The following MRC1 variants were observed in gnomAD, a reference collection of about 807,000 sequenced individuals.
The protein encoded by MRC1 is mannose receptor C-type 1.
Under a neutral mutation model 102.9 loss-of-function variants are expected in MRC1, and 62 were observed. That is an observed-to-expected ratio of 0.60 (90% CI 0.49 to 0.74). MRC1 has a LOEUF of 0.74. MRC1 is among the 30% of genes least tolerant of loss of function. MRC1 has a pLI of 0.00. For missense variants in MRC1, 1,237 were observed against 862.8 expected, an observed-to-expected ratio of 1.43 and a Z score of -5.43; for synonymous variants, 457 against 298.4, an observed-to-expected ratio of 1.53 and a Z score of -5.48.
At chr10:17,855,442 G>A (rs1833072717) in intron 8 of MRC1, among the ~76,000 whole-genome samples, 1 of 151,706 alleles carries the variant, frequency 6.6e-6, no homozygotes, top group Admixed American at 6.6e-5. Context: ...GTGGTGGCAG[G>A]CGCCTGTAGT....
At chr10:17,822,491 C>A (rs976531475) in intron 1 of MRC1, among the ~76,000 whole-genome samples, 1 of 152,062 alleles carries the variant, frequency 6.6e-6, no homozygotes, top group Non-Finnish European at 1.5e-5. Flanking sequence ...TATGGTGGTA[C>A]AAGCCTGTAG....
In MRC1 at chr10:17,870,950, T is replaced by G. The variant is rs1244192641; in HGVS notation, c.2199+15T>G. The stretch of plus-strand genomic sequence containing the variant: ...ATGGTTCTCCTGTGAGTAATTTTAC[T>G]TACTATATAACTTTCTTACTTTATC... On this transcript the variant is annotated intron_variant, in intron 14 of 29. Coordinates refer to ENST00000569591, the MANE Select transcript of MRC1 (RefSeq NM_002438.4). 5.7e-6 allele frequency: 5 copies of G among 871,062 alleles called. No homozygotes were observed. The highest frequency in any genetic ancestry group is 1.0e-5 in the Non-Finnish European group (5 of 500,068). 54.0% of individuals were successfully genotyped at this position (871,062 alleles called of 1,614,324 possible).
At chr10:17,814,445 A>G (rs118160793) in intron 1 of MRC1, among the ~76,000 whole-genome samples, 21,973 of 152,170 alleles carry the variant, frequency 0.14, 1,766 homozygotes, top group East Asian at 0.21. Context: ...CTTTACATAA[A>G]TGATCTCATT....
chr10:17,867,942 G>A (rs914915431), intron 12 of MRC1, among the ~76,000 whole-genome samples: 7 of 152,180 alleles, frequency 4.6e-5, no homozygotes, highest in African/African-American at 7.2e-5. Flanking sequence ...TGGGGCACAT[G>A]GCTTTTCAGT....
chr10:17,817,361 G>A (rs1838329531), intron 1 of MRC1, among the ~76,000 whole-genome samples: 3 of 151,462 alleles, frequency 2.0e-5, no homozygotes, highest in Admixed American at 2.0e-4. Flanking sequence ...GTTACTGGAT[G>A]TTTAGTCTTT....
intron 21 of MRC1, 61 bp downstream of exon 21, chr10:17,881,242 G>A (rs1314681565): frequency 1.3e-6 from 1 of 758,078 alleles, no homozygotes; most frequent in Non-Finnish European, 2.4e-6. Context: ...CTGCAAAATG[G>A]TAAAATATTG....
chr10:17,870,765 T>C, intron 13 of MRC1, 83 bp from the exon 14 acceptor site: 2 of 834,224 alleles, frequency 2.4e-6, no homozygotes, highest in Non-Finnish European at 4.3e-6. Flanking sequence ...TGGAGGTAAC[T>C]TTCAAATGTG....
chr10:17,856,735 T>G (rs1833098821), intron 9 of MRC1, among the ~76,000 whole-genome samples: 1 of 152,146 alleles, frequency 6.6e-6, no homozygotes, highest in Non-Finnish European at 1.5e-5. Flanking sequence ...TATGGGTTGT[T>G]AAGAACATTT....
At position 17,833,443 on chromosome 10, in the gene MRC1, C is replaced by A. The variant is rs951482533; in HGVS notation, c.638-232C>A. Among the ~76,000 whole-genome samples the A allele has an allele frequency of 2.0e-5, 3 of 149,294 alleles. No individual in the cohort carries two copies. In the South Asian group the frequency reaches 6.3e-4, roughly 31 times the overall value. ...AACTGAGGTGGGAAGATTGTTTAAC[C>A]TCAAGAGTTGGAGAGTACAGTGAGC... On this transcript the variant is annotated intron_variant, in intron 3 of 29. Transcript: ENST00000569591.
At chr10:17,852,443 G>C (rs1838931171) in intron 7 of MRC1, among the ~76,000 whole-genome samples, 1 of 152,100 alleles carries the variant, frequency 6.6e-6, no homozygotes. Context: ...TACAGTGATT[G>C]ATCTTTAACG....
At chr10:17,818,358 A>C (rs894426000) in intron 1 of MRC1, among the ~76,000 whole-genome samples, 3 of 152,246 alleles carry the variant, frequency 2.0e-5, no homozygotes, top group Non-Finnish European at 4.4e-5. Flanking sequence ...CTAAATCAGA[A>C]AGATCAAGTA....
Position 17,815,583 on chromosome 10 carries a change from G to A in MRC1, c.61+6057G>A, listed in dbSNP as rs185486145. On this transcript the variant is annotated intron_variant, in intron 1 of 29. Coordinates refer to ENST00000569591, the MANE Select transcript of MRC1 (RefSeq NM_002438.4). ...TACTGACTTGGGAGCGAATGGCCCC[G>A]GGAAGGTGTAGATATTCATATCTTT... 8.9e-3 allele frequency among the ~76,000 whole-genome samples: 1,357 copies of A among 152,202 alleles called. 23 individuals carry two copies. Among genetic ancestry groups the A allele is most frequent in the African/African-American group, 0.03 (1,242 of 41,520 alleles).
rs1159605341 is a variant in MRC1, at chr10:17,879,862, C to G, written c.2719+41C>G. ...ATATTGAATTTGCTTTGTGGCGTGG[C>G]GTGTCATTTGCCACATCCCTAGACT... On this transcript the variant is annotated intron_variant, in intron 19 of 29. Transcript: ENST00000569591. 3.8e-6 allele frequency: 3 copies of G among 780,602 alleles called. No homozygotes were observed. The African/African-American group carries it at 5.1e-5, about 13-fold the overall frequency. 48.4% of individuals were successfully genotyped at this position (780,602 alleles called of 1,614,324 possible). A position where few individuals can be genotyped will look rare whatever the true frequency, so the allele number is the denominator to read the frequency against.
intron 22 of MRC1, among the ~76,000 whole-genome samples, chr10:17,891,423 C>T (rs1275194778): frequency 1.3e-5 from 2 of 152,116 alleles, no homozygotes; most frequent in Non-Finnish European, 2.9e-5. Flanking sequence ...GCCTCGGCCT[C>T]CCGAAGTGCT....
intron 3 of MRC1, 104 bp downstream of exon 3, chr10:17,827,819 A>C (rs1589166626): frequency 2.7e-6 from 2 of 749,414 alleles, no homozygotes; most frequent in East Asian, 4.9e-5. Flanking sequence ...GTTATTTCAC[A>C]TTTACGACCT....
At chr10:17,891,130 GT>G (rs1306284440) in intron 22 of MRC1, among the ~76,000 whole-genome samples, 1 of 138,842 alleles carries the variant, frequency 7.2e-6, no homozygotes, top group East Asian at 2.1e-4. Flanking sequence ...TGTATCACTA[GT>G]TTTATTTATT....
chr10:17,857,617 A>T (rs1800157136), intron 9 of MRC1, among the ~76,000 whole-genome samples: 1 of 152,234 alleles, frequency 6.6e-6, no homozygotes, highest in African/African-American at 2.4e-5. Flanking sequence ...AGGAAACTGA[A>T]ACACAAAGAG....
chr10:17,882,458 T>A (rs953681263), intron 21 of MRC1, among the ~76,000 whole-genome samples: 2 of 151,954 alleles, frequency 1.3e-5, no homozygotes, highest in Non-Finnish European at 2.9e-5. Context: ...TATAACTTTA[T>A]AAGGACATGG....
intron 2 of MRC1, among the ~76,000 whole-genome samples, chr10:17,825,765 A>T (rs1308058498): frequency 1.3e-5 from 2 of 152,206 alleles, no homozygotes; most frequent in Non-Finnish European, 2.9e-5. Context: ...GCTATATGTC[A>T]TTGGCATCTG....
Sources: gnomAD v4.1 joint callset for allele counts (sites outside exome capture counted in the v4.1 genomes callset) on GRCh38, gnomAD v4.1.1 for gene constraint, MANE v1.5 for transcripts, NCBI Gene and HGNC (gene_info 2026-07-23, HGNC 2026-07-21) for gene names.